Variants in NEGR1 observed in about 807,000 individuals in gnomAD.
NEGR1 encodes the protein neuronal growth regulator 1, also known as IgLON family member 4.
Under a neutral mutation model 40.9 loss-of-function variants are expected in NEGR1, and 10 were observed. The ratio of observed to expected loss-of-function variants is 0.24; its 90% confidence interval spans 0.15 to 0.42. NEGR1 has a LOEUF of 0.42. Ranked by LOEUF, NEGR1 falls within the 10% of genes least tolerant of loss-of-function variation. NEGR1 has a pLI of 1.00. For synonymous variants in NEGR1, 185 were observed against 166.8 expected, an observed-to-expected ratio of 1.11 and a Z score of -0.84; for missense variants, 352 against 438.9, an observed-to-expected ratio of 0.80 and a Z score of 1.77.
At chr1:71,412,152 G>C (rs1646327077) in intron 6 of NEGR1, among the ~76,000 whole-genome samples, 1 of 152,064 alleles carries the variant, frequency 6.6e-6, no homozygotes, top group Non-Finnish European at 1.5e-5. Context: ...AGGGACCTCT[G>C]CCATCTGGTT....
intron 2 of NEGR1, among the ~76,000 whole-genome samples, chr1:71,781,158 C>A (rs1343303581): frequency 6.6e-6 from 1 of 152,182 alleles, no homozygotes; most frequent in African/African-American, 2.4e-5. Flanking sequence ...ATTCATCATG[C>A]TGCCTGCAAC....
intron 1 of NEGR1, among the ~76,000 whole-genome samples, chr1:72,105,472 G>C (rs1232213129): frequency 2.0e-5 from 3 of 151,972 alleles, no homozygotes; most frequent in Non-Finnish European, 2.9e-5. Flanking sequence ...GGGGGGCCGA[G>C]GCAGGAGGAT....
At chr1:72,161,720 C>T (rs575469989) in intron 1 of NEGR1, among the ~76,000 whole-genome samples, 2 of 130,440 alleles carry the variant, frequency 1.5e-5, no homozygotes, top group East Asian at 4.9e-4. Flanking sequence ...TGCTCTGTCA[C>T]CCAGGCTGGT....
intron 2 of NEGR1, among the ~76,000 whole-genome samples, chr1:71,907,587 G>A (rs1279342095): frequency 1.3e-5 from 2 of 152,098 alleles, no homozygotes; most frequent in African/African-American, 4.8e-5. Flanking sequence ...AGCAACTGTG[G>A]AAAGCACTTT....
At chr1:71,451,050 T>C (rs1646624062) in intron 6 of NEGR1, among the ~76,000 whole-genome samples, 2 of 152,140 alleles carry the variant, frequency 1.3e-5, no homozygotes, top group Non-Finnish European at 2.9e-5. Flanking sequence ...TCTAACCTCC[T>C]CTCCTCCAGA....
At chr1:71,644,634 G>A (rs1570144790) in intron 4 of NEGR1, among the ~76,000 whole-genome samples, 1 of 151,952 alleles carries the variant, frequency 6.6e-6, no homozygotes, top group Non-Finnish European at 1.5e-5. Flanking sequence ...GAGATCTTGA[G>A]AATGCAACTT....
At chr1:72,074,364 A>G (rs1210575938) in intron 1 of NEGR1, among the ~76,000 whole-genome samples, 1 of 152,090 alleles carries the variant, frequency 6.6e-6, no homozygotes, top group Non-Finnish European at 1.5e-5. Flanking sequence ...AAATATTTAT[A>G]TAGTTTAGTT....
intron 1 of NEGR1, among the ~76,000 whole-genome samples, chr1:72,196,969 T>C (rs2100439412): frequency 6.6e-6 from 1 of 152,140 alleles, no homozygotes; most frequent in Non-Finnish European, 1.5e-5. Context: ...ACTTATCATA[T>C]AATTTTGGAC....
intron 2 of NEGR1, among the ~76,000 whole-genome samples, chr1:71,926,090 A>C (rs1645769777): frequency 6.6e-6 from 1 of 152,218 alleles, no homozygotes; most frequent in African/African-American, 2.4e-5. Flanking sequence ...ATACTTATCA[A>C]ACTCTGTGCT....
chr1:71,526,336 T>C (rs1647215940), intron 6 of NEGR1, among the ~76,000 whole-genome samples: 1 of 151,604 alleles, frequency 6.6e-6, no homozygotes, highest in Non-Finnish European at 1.5e-5. Context: ...TAATAGACTT[T>C]GCTTGATGCC....
At chr1:72,239,030 G>T (rs971034139) in intron 1 of NEGR1, among the ~76,000 whole-genome samples, 1 of 151,760 alleles carries the variant, frequency 6.6e-6, no homozygotes, top group Admixed American at 6.6e-5. Flanking sequence ...TACACTCATG[G>T]TCTTCCAAAC....
intron 4 of NEGR1, among the ~76,000 whole-genome samples, chr1:71,669,880 C>T (rs1652362089): frequency 6.6e-6 from 1 of 152,080 alleles, no homozygotes. Flanking sequence ...TCGATCTGAC[C>T]TCATGATCTG....
At chr1:72,013,700 C>G (rs914436463) in intron 1 of NEGR1, among the ~76,000 whole-genome samples, 3 of 151,624 alleles carry the variant, frequency 2.0e-5, no homozygotes, top group African/African-American at 7.3e-5. Context: ...ATGAGCACTT[C>G]TAGAATGGAA....
At chr1:71,771,794 A>G (rs575369835) in intron 3 of NEGR1, among the ~76,000 whole-genome samples, 14 of 151,862 alleles carry the variant, frequency 9.2e-5, no homozygotes, top group Admixed American at 2.0e-4. Context: ...GGAATTCTAC[A>G]GTAGAATGTC....
intron 2 of NEGR1, among the ~76,000 whole-genome samples, chr1:71,836,807 T>C (rs1659049700): frequency 6.6e-6 from 1 of 152,034 alleles, no homozygotes; most frequent in Non-Finnish European, 1.5e-5. Flanking sequence ...ACTACACTTC[T>C]GAGAAAAAGC....
chr1:71,536,099 C>G (rs1333463361), intron 6 of NEGR1, among the ~76,000 whole-genome samples: 1 of 151,188 alleles, frequency 6.6e-6, no homozygotes, highest in African/African-American at 2.4e-5. Context: ...TTCAACCTTA[C>G]CAAGTAGAAG....
Position 72,282,539 on chromosome 1 carries a change from C to T in NEGR1, c.-45G>A, listed in dbSNP as rs761337226. The T allele has an allele frequency of 3.3e-6, 5 of 1,516,936 alleles. No individual in the cohort carries two copies. The African/African-American group carries it at 4.1e-5, about 13-fold the overall frequency. The allele number at this position is 1,516,936 out of a possible 1,614,324, so 94.0% of individuals were successfully genotyped here. On this transcript the variant is annotated 5_prime_UTR_variant, in exon 1 of 7. Transcript: ENST00000357731. Reference sequence around the variant, plus strand: ...TCTCCAGCAGCTTTCAGCTCGCACTCCCCCACCCCCTGGTGCTGGCGAGTC... The same window carrying T: ...TCTCCAGCAGCTTTCAGCTCGCACTTCCCCACCCCCTGGTGCTGGCGAGTC...
intron 2 of NEGR1, among the ~76,000 whole-genome samples, chr1:71,851,390 G>T (rs367743887): frequency 7.9e-5 from 12 of 152,078 alleles, no homozygotes; most frequent in Middle Eastern, 3.4e-3. Flanking sequence ...GCCAGCAAGA[G>T]GTGTGCTAAA....
chr1:71,571,761 C>T (rs1421502898), intron 6 of NEGR1, among the ~76,000 whole-genome samples: 2 of 136,220 alleles, frequency 1.5e-5, no homozygotes, highest in East Asian at 4.1e-4. Context: ...CCACTCCAGC[C>T]TGGGTGACAG....
Sources: allele counts gnomAD v4.1 joint callset (sites outside exome capture counted in the v4.1 genomes callset), GRCh38; gene constraint gnomAD v4.1.1; transcripts MANE v1.5; gene names NCBI Gene and HGNC (gene_info 2026-07-23, HGNC 2026-07-21).